ATXN1: variants seen among roughly 807,000 people sequenced by gnomAD.
ATXN1 encodes ataxin 1.
ATXN1 carries 8 observed loss-of-function variants against 56.4 expected under a neutral mutation model. The ratio of observed to expected loss-of-function variants is 0.14; its 90% CI spans 0.08 to 0.26. ATXN1 has a LOEUF of 0.26. Ranked by LOEUF, ATXN1 falls within the 10% of genes least tolerant of loss-of-function variation. The pLI is 1.00. For missense variants in ATXN1, 987 were observed against 1,106.5 expected (o/e 0.89, Z 1.53); for synonymous variants, 514 against 494.6 (o/e 1.04, Z -0.52).
intron 6 of ATXN1, among the ~76,000 whole-genome samples, chr6:16,370,921 T>C (rs1762027576): frequency 6.6e-6 from 1 of 152,226 alleles, no homozygotes; most frequent in Admixed American, 6.5e-5. Context: ...AGCTAAATAT[T>C]AATCAGTGAG....
chr6:16,497,576 G>A (rs943099983), intron 5 of ATXN1, among the ~76,000 whole-genome samples: 3 of 152,180 alleles, frequency 2.0e-5, no homozygotes, highest in Non-Finnish European at 4.4e-5. Flanking sequence ...TAAGTTTGCA[G>A]GAATCGCCTG....
chr6:16,317,313 T>A (rs900568703), intron 7 of ATXN1, among the ~76,000 whole-genome samples: 37 of 151,990 alleles, frequency 2.4e-4, no homozygotes, highest in African/African-American at 7.7e-4. Context: ...CCTTTATAAC[T>A]TTTCTTTCTT....
chr6:16,757,492 T>C (rs3828874), intron 1 of ATXN1, among the ~76,000 whole-genome samples: 6,814 of 152,212 alleles, frequency 0.045, 535 homozygotes, highest in East Asian at 0.38. Flanking sequence ...CTAGAAGAAA[T>C]AATAGCTCAT....
Position 16,695,567 on chromosome 6 carries a change from G to C in ATXN1, c.-614-37666C>G, listed in dbSNP as rs558676511. 3.8e-4 allele frequency among the ~76,000 whole-genome samples: 58 copies of C among 152,308 alleles called. 1 individual carries two copies. The highest frequency in any genetic ancestry group is 6.6e-4 in the Non-Finnish European group (45 of 68,030). On this transcript the variant is annotated intron_variant, in intron 2 of 7. Coordinates refer to ENST00000436367, the MANE Select transcript of ATXN1 (RefSeq NM_001128164.2). Reference sequence around the variant, plus strand: ...TAGAGCCCTGGGCCCAGCCTAGGACGGAGACAGCTTCTGAAGTTCTTAGTC... The same window carrying C: ...TAGAGCCCTGGGCCCAGCCTAGGACCGAGACAGCTTCTGAAGTTCTTAGTC...
At chr6:16,518,529 A>G (rs1163257715) in intron 5 of ATXN1, among the ~76,000 whole-genome samples, 1 of 152,076 alleles carries the variant, frequency 6.6e-6, no homozygotes. Flanking sequence ...CCTCAGTCAC[A>G]TAGTTGCATT....
intron 6 of ATXN1, among the ~76,000 whole-genome samples, chr6:16,452,679 A>G (rs1429081498): frequency 6.6e-6 from 1 of 152,212 alleles, no homozygotes; most frequent in Non-Finnish European, 1.5e-5. Flanking sequence ...CGTCAAATGT[A>G]TTTTAAGTAT....
chr6:16,757,174 A>G (rs1561841736), intron 1 of ATXN1, among the ~76,000 whole-genome samples: 1 of 152,218 alleles, frequency 6.6e-6, no homozygotes, highest in African/African-American at 2.4e-5. Context: ...TCTAAGTGTA[A>G]AAGACAATTC....
At chr6:16,490,892 A>T (rs1760645754) in intron 5 of ATXN1, among the ~76,000 whole-genome samples, 1 of 151,890 alleles carries the variant, frequency 6.6e-6, no homozygotes, top group Non-Finnish European at 1.5e-5. Flanking sequence ...AACTAAGAGG[A>T]GCAACACACT....
intron 4 of ATXN1, among the ~76,000 whole-genome samples, chr6:16,579,270 A>C (rs1003999603): frequency 3.9e-5 from 6 of 152,216 alleles, no homozygotes; most frequent in African/African-American, 1.4e-4. Context: ...ACACCAAAAA[A>C]CACTCTATGC....
intron 3 of ATXN1, among the ~76,000 whole-genome samples, chr6:16,601,274 G>C (rs1762907221): frequency 6.6e-6 from 1 of 152,208 alleles, no homozygotes; most frequent in Non-Finnish European, 1.5e-5. Flanking sequence ...GTGACACAGA[G>C]CATTTAGCCT....
chr6:16,596,630 G>C (rs368577126), intron 3 of ATXN1, among the ~76,000 whole-genome samples: 20 of 152,248 alleles, frequency 1.3e-4, no homozygotes, highest in African/African-American at 4.8e-4. Flanking sequence ...GTACTTCATT[G>C]TAAGTCCTTA....
At chr6:16,548,223 A>G (rs1354201204) in intron 4 of ATXN1, among the ~76,000 whole-genome samples, 2 of 152,226 alleles carry the variant, frequency 1.3e-5, no homozygotes, top group Non-Finnish European at 2.9e-5. Flanking sequence ...TACAGTCAAA[A>G]TGAAGCAGAA....
intron 6 of ATXN1, among the ~76,000 whole-genome samples, chr6:16,360,731 C>T (rs1278878441): frequency 6.6e-6 from 1 of 152,166 alleles, no homozygotes; most frequent in Admixed American, 6.5e-5. Flanking sequence ...CCTATAAGGT[C>T]AGGCAAATTG....
At chr6:16,375,147 G>A (rs1762118925) in intron 6 of ATXN1, among the ~76,000 whole-genome samples, 1 of 152,200 alleles carries the variant, frequency 6.6e-6, no homozygotes, top group African/African-American at 2.4e-5. Flanking sequence ...GCCTGGACGT[G>A]TTCAGACCCT....
chr6:16,610,428 A>G (rs1321545871), intron 3 of ATXN1, among the ~76,000 whole-genome samples: 1 of 152,048 alleles, frequency 6.6e-6, no homozygotes, highest in Non-Finnish European at 1.5e-5. Flanking sequence ...TTCAGTGAGG[A>G]GGAAAAGAAA....
rs16878884 is a variant in ATXN1, at chr6:16,715,102, G to A, written c.-615+38131C>T. ...TTCTCACTTGGATAACAGGAAGGTC[G>A]TACAACTCTCCCTTTTGAACTCATC... On this transcript the variant is annotated intron_variant, in intron 2 of 7. Coordinates refer to ENST00000436367, the MANE Select transcript of ATXN1 (RefSeq NM_001128164.2). Among the ~76,000 whole-genome samples, 927 of 152,130 alleles carry A rather than the reference G, an allele frequency of 6.1e-3. 6 individuals carry two copies. Among genetic ancestry groups the A allele is most frequent in the African/African-American group, 0.021 (889 of 41,478 alleles).
At chr6:16,719,634 C>T (rs1240735257) in intron 2 of ATXN1, among the ~76,000 whole-genome samples, 1 of 152,178 alleles carries the variant, frequency 6.6e-6, no homozygotes, top group Non-Finnish European at 1.5e-5. Context: ...GAGATAGGCT[C>T]TCCGGATGGT....
chr6:16,553,222 T>C (rs1174270524), intron 4 of ATXN1, among the ~76,000 whole-genome samples: 2 of 152,216 alleles, frequency 1.3e-5, no homozygotes, highest in Non-Finnish European at 2.9e-5. Flanking sequence ...ACTGTATGAC[T>C]CAAAGGCTAT....
chr6:16,608,639 C>T (rs1020371362), intron 3 of ATXN1, among the ~76,000 whole-genome samples: 3 of 152,152 alleles, frequency 2.0e-5, no homozygotes, highest in African/African-American at 7.2e-5. Flanking sequence ...GTGAATTGGG[C>T]ACCACTCTGA....
Sources: gnomAD v4.1 joint callset for allele counts (sites outside exome capture counted in the v4.1 genomes callset) on GRCh38, gnomAD v4.1.1 for gene constraint, MANE v1.5 for transcripts, NCBI Gene and HGNC (gene_info 2026-07-23, HGNC 2026-07-21) for gene names.